The following KRT35 variants were observed in gnomAD, a reference collection of about 807,000 sequenced individuals.
The protein encoded by KRT35 is keratin 35.
Under a neutral mutation model 42.2 loss-of-function variants are expected in KRT35, and 33 were observed. The observed-to-expected ratio is 0.78, with a 90% CI of 0.59 to 1.05. KRT35 has a LOEUF of 1.05. Among genes scored for constraint, KRT35 ranks in the 50% least tolerant of loss-of-function variants. The pLI, the probability that KRT35 is intolerant of heterozygous loss-of-function variation, is 0.00. For synonymous variants in KRT35, 218 were observed against 238.2 expected (o/e 0.92, Z 0.78); for missense variants, 585 against 589.2 (o/e 0.99, Z 0.07).
At chr17:41,478,275 C>T in intron 5 of KRT35, 86 bp downstream of exon 5, 1 of 1,486,216 alleles carries the variant, frequency 6.7e-7, no homozygotes, top group Non-Finnish European at 9.1e-7. Context: ...CTGGAGTCCG[C>T]CTGTGTGGTC....
At position 41,479,407 on chromosome 17, in the gene KRT35, C is replaced by T. The variant is rs772823721; in HGVS notation, c.651G>A (p.Leu217=). The T allele has an allele frequency of 8.7e-6, 14 of 1,614,064 alleles. No individual in the cohort carries two copies. Among genetic ancestry groups the T allele is most frequent in the South Asian group, 7.7e-5 (7 of 91,082 alleles). ...LDDLTLCKSD[L]EAQVESLKEE... ...CCTTCAGGGACTCCACCTGGGCCTC[C>T]AGGTCAGACTTGCACAGGGTCAGGT... is the stretch of plus-strand genomic sequence containing the variant. Residue 217 remains leucine, a synonymous_variant, in exon 3 of 7, where the codon CTG becomes CTA. Coordinates refer to ENST00000246639, the MANE Select transcript of KRT35 (RefSeq NM_002280.6).
At position 41,478,366 on chromosome 17, in the gene KRT35, T is replaced by A. The variant is rs1486647017; in HGVS notation, c.994A>T (p.Ser332Cys). The change falls in exon 5 of 7, where the codon AGC (serine) becomes TGC (cysteine). Residue 332 changes from serine to cysteine, a missense_variant. Ser to Cys is a moderately radical substitution (Grantham distance 112). Transcript: ENST00000246639. ...ALEIELQAQH[S>C]MRDALESTLA... ...CACCCTGCCTTGGGGCTCACCATGC[T>A]GTGCTGAGCCTGCAGCTCAATCTCC... is the stretch of plus-strand genomic sequence containing the variant. 1 of 1,613,138 alleles carries A rather than the reference T, an allele frequency of 6.2e-7. No homozygotes were observed. Among genetic ancestry groups the A allele is most frequent in the Non-Finnish European group, 8.5e-7 (1 of 1,179,838 alleles).
chr17:41,479,926 C>T (rs2019231396), intron 1 of KRT35, 145 bp from the exon 2 acceptor site: 1 of 659,992 alleles, frequency 1.5e-6, no homozygotes, highest in African/African-American at 1.8e-5. Flanking sequence ...GTGTTATGGG[C>T]AGGCTCTAGG....
intron 1 of KRT35, 101 bp downstream of exon 1, chr17:41,480,526 C>T: frequency 1.1e-6 from 1 of 878,306 alleles, no homozygotes; most frequent in Non-Finnish European, 1.8e-6. Context: ...CAGAGATGAA[C>T]ATGCTTGGTG....
rs570136101 is a variant in KRT35, at chr17:41,478,256, C to T, written c.999+105G>A. On this transcript the variant is annotated intron_variant, in intron 5 of 6. Coordinates refer to ENST00000246639, the MANE Select transcript of KRT35 (RefSeq NM_002280.6). ...ATAGAGAACCCCTGGTGCTCAAGAA[C>T]ATGGACCCCTGGAGTCCGCCTGTGT... 6 of 1,294,334 alleles carry T rather than the reference C, an allele frequency of 4.6e-6. No individual in the cohort carries two copies. The African/African-American group carries it at 5.9e-5, about 13-fold the overall frequency. The allele number at this position is 1,294,334 out of a possible 1,614,324, so 80.2% of individuals were successfully genotyped here. A position where few individuals can be genotyped will look rare whatever the true frequency, so the allele number is the denominator to read the frequency against.
At chr17:41,479,121 G>A in intron 3 of KRT35, 126 bp from the exon 4 acceptor site, 2 of 1,004,874 alleles carry the variant, frequency 2.0e-6, no homozygotes, top group Non-Finnish European at 2.9e-6. Context: ...ATGCTCATCT[G>A]CTCCCCATGC....
At chr17:41,477,818 A>G in intron 5 of KRT35, 80 bp from the exon 6 acceptor site, 1 of 1,496,264 alleles carries the variant, frequency 6.7e-7, no homozygotes. Flanking sequence ...CCTTGGAGCT[A>G]TAGCGGGCCT....
chr17:41,477,118 C>T lies in KRT35; in HGVS notation c.1306G>A (p.Ala436Thr). The T allele has an allele frequency of 6.2e-7, 1 of 1,612,016 alleles. No individual in the cohort carries two copies. The stretch of plus-strand genomic sequence containing the variant: ...CGGGGGCTGCAGTTTGTGCGGGCTG[C>T]ACTAGGACCGCAGGAGGCCGCAGGA... ...CLPAASCGPSAARTNCSPRPI... is the reference protein window; with the variant it reads ...CLPAASCGPSTARTNCSPRPI... Residue 436 changes from alanine to threonine, a missense_variant, in exon 7 of 7, where the codon GCA becomes ACA. Transcript: ENST00000246639.
At position 41,478,996 on chromosome 17, in the gene KRT35, C is replaced by A; in HGVS notation, c.712-1G>T. 10 of 1,611,036 alleles carry A rather than the reference C, an allele frequency of 6.2e-6. No homozygotes were observed. The highest frequency in any genetic ancestry group is 8.5e-6 in the Non-Finnish European group (10 of 1,178,266). On this transcript the variant is annotated splice_acceptor_variant, in intron 3 of 6. Coordinates refer to ENST00000246639, the MANE Select transcript of KRT35 (RefSeq NM_002280.6). LOFTEE classifies it high-confidence loss of function. ...GTTGGCAGCGCAGTGAGTTCACTTCCTATAGCACAGACCAGGATGAGTACT... is the reference window on the plus strand; with the variant it reads ...GTTGGCAGCGCAGTGAGTTCACTTCATATAGCACAGACCAGGATGAGTACT...
intron 3 of KRT35, 29 bp from the exon 4 acceptor site, chr17:41,479,024 T>C: frequency 6.3e-7 from 1 of 1,589,158 alleles, no homozygotes; most frequent in Middle Eastern, 1.7e-4. Flanking sequence ...TGAGTACTAA[T>C]TCCCAGAGGG....
Position 41,480,654 on chromosome 17 carries a change from G to A in KRT35, c.444C>T (p.Phe148=), listed in dbSNP as rs748135071. The A allele has an allele frequency of 2.5e-6, 4 of 1,613,952 alleles. No homozygotes were observed. The African/African-American group carries it at 4.0e-5, about 16-fold the overall frequency. The part of the protein sequence containing the change: ...PYMCPDYQSY[F]RTIEELQKKT... The stretch of plus-strand genomic sequence containing the variant: ...TCTTCTGGAGCTCCTCGATGGTCCG[G>A]AAGTAGGACTGGTAGTCAGGGCACA... Residue 148 remains phenylalanine, a synonymous_variant, in exon 1 of 7, where the codon TTC becomes TTT. Transcript: ENST00000246639.
In KRT35 at chr17:41,477,807, TC is replaced by T; in HGVS notation, c.1000-70del. 1.2e-5 allele frequency: 18 copies of T among 1,482,230 alleles called. No individual in the cohort carries two copies. In the South Asian group the frequency reaches 2.3e-4, roughly 19 times the overall value. 91.8% of individuals were successfully genotyped at this position (1,482,230 alleles called of 1,614,324 possible). On this transcript the variant is annotated intron_variant, in intron 5 of 6. Coordinates refer to ENST00000246639, the MANE Select transcript of KRT35 (RefSeq NM_002280.6). ...CAGAGAAGGAGCAAGGAAGGAATCT[TC>T]CTTGGAGCTATAGCGGGCCTCCGTC... is the stretch of plus-strand genomic sequence containing the variant.
rs373706479 is a variant in KRT35, at chr17:41,478,854, C to T, written c.853G>A (p.Glu285Lys). The part of the protein sequence containing the change: ...TLVENNRRDA[E>K]DWLDTQSEEL... ...CCTACCTGGGTGTCCAACCAGTCTT[C>T]AGCATCCCGGCGGTTATTCTCCACC... Residue 285 changes from glutamate (E) to lysine (K), a missense_variant, in exon 4 of 7, where the codon GAA (glutamate) becomes AAA (lysine). Transcript: ENST00000246639. 1.5e-5 allele frequency: 25 copies of T among 1,613,556 alleles called. No homozygotes were observed. In the African/African-American group the frequency reaches 3.3e-4, roughly 22 times the overall value.
chr17:41,479,084 A>T, intron 3 of KRT35, 89 bp from the exon 4 acceptor site: 1 of 1,331,526 alleles, frequency 7.5e-7, no homozygotes, highest in South Asian at 1.4e-5. Context: ...CCCCATGCTC[A>T]CCCCTCCTAA....
At position 41,479,641 on chromosome 17, in the gene KRT35, G is replaced by A. The variant is rs2019227725; in HGVS notation, c.554+58C>T. On this transcript the variant is annotated intron_variant, in intron 2 of 6. Coordinates refer to ENST00000246639, the MANE Select transcript of KRT35 (RefSeq NM_002280.6). ...AGTACAGCCAAAACCCTGAGCTCAG[G>A]CATCACCTGTGTCCAGTTCTAGCAG... is the stretch of plus-strand genomic sequence containing the variant. 1.9e-6 allele frequency: 3 copies of A among 1,573,752 alleles called. 1 individual carries two copies. The South Asian group carries it at 3.4e-5, about 18-fold the overall frequency.
Position 41,477,213 on chromosome 17 carries a change from A to T in KRT35, c.1221-10T>A, listed in dbSNP as rs371696778. ...TGGGTTACAGGGGAGCCTAGAAAAA[A>T]GAAAACAAATTACTGTGATTTTCCA... is the stretch of plus-strand genomic sequence containing the variant. On this transcript the variant is annotated splice_polypyrimidine_tract_variant and intron_variant, in intron 6 of 6. Transcript: ENST00000246639. 3 of 1,613,614 alleles carry T rather than the reference A, an allele frequency of 1.9e-6. No homozygotes were observed. In the African/African-American group the frequency reaches 4.0e-5, roughly 22 times the overall value.
chr17:41,478,060 A>G (rs1295288800), intron 5 of KRT35, among the ~76,000 whole-genome samples: 4 of 152,192 alleles, frequency 2.6e-5, no homozygotes, highest in African/African-American at 9.6e-5. Context: ...TGATCTAGAA[A>G]GTATCTCCCT....
At position 41,478,929 on chromosome 17, in the gene KRT35, C is replaced by T. The variant is rs1180368143; in HGVS notation, c.778G>A (p.Val260Ile). 6.2e-7 allele frequency: 1 copy of T among 1,614,082 alleles called. No individual in the cohort carries two copies. ...LNVEVDAAPP[V>I]DLNRVLEEMR... is the part of the protein sequence containing the mutation. Reference sequence around the variant, plus strand: ...TCCTCCAGAACTCGGTTCAGGTCAACAGGTGGGGCAGCGTCCACCTCAACA... The same window carrying T: ...TCCTCCAGAACTCGGTTCAGGTCAATAGGTGGGGCAGCGTCCACCTCAACA... The change falls in exon 4 of 7, where the codon GTT (valine) becomes ATT (isoleucine). Residue 260 changes from valine (V) to isoleucine (I), a missense_variant. Physicochemically the swap from Val to Ile is conservative, Grantham distance 29. Transcript: ENST00000246639.
In KRT35 at chr17:41,478,367, G is replaced by A. The variant is rs757764209; in HGVS notation, c.993C>T (p.His331=). ...ACCCTGCCTTGGGGCTCACCATGCT[G>A]TGCTGAGCCTGCAGCTCAATCTCCA... ...NALEIELQAQ[H]SMRDALESTL... The change falls in exon 5 of 7, where the codon CAC becomes CAT. Residue 331 remains histidine (H), a synonymous_variant. Coordinates refer to ENST00000246639, the MANE Select transcript of KRT35 (RefSeq NM_002280.6). The A allele has an allele frequency of 9.9e-6, 16 of 1,613,254 alleles. No homozygotes were observed. The highest frequency in any genetic ancestry group is 1.3e-5 in the Non-Finnish European group (15 of 1,179,850).
Sources: allele counts gnomAD v4.1 joint callset (sites outside exome capture counted in the v4.1 genomes callset), GRCh38; gene constraint gnomAD v4.1.1; transcripts MANE v1.5; gene names NCBI Gene and HGNC (gene_info 2026-07-23, HGNC 2026-07-21).